Variants in DDX46 observed in about 807,000 individuals in gnomAD.
The protein encoded by DDX46 is DEAD-box helicase 46, also known as probable ATP-dependent RNA helicase DDX46.
In DDX46, 30 loss-of-function variants were observed where a neutral mutation model predicts 134.9. The ratio of observed to expected loss-of-function variants is 0.22; its 90% CI spans 0.17 to 0.30. The LOEUF (loss-of-function observed/expected upper bound fraction) is 0.30. Among genes scored for constraint, DDX46 ranks in the 10% least tolerant of loss-of-function variants. DDX46 has a pLI of 1.00. For missense variants in DDX46, 622 were observed against 1,248.7 expected, an observed-to-expected ratio of 0.50 and a Z score of 7.56; for synonymous variants, 415 against 404.1, an observed-to-expected ratio of 1.03 and a Z score of -0.32.
intron 6 of DDX46, 48 bp from the exon 7 acceptor site, chr5:134,781,085 C>T: frequency 7.4e-7 from 1 of 1,355,916 alleles, no homozygotes. Context: ...AGTCATATAA[C>T]TTGTGTTTCA....
chr5:134,764,174 T>G (rs962679444), intron 2 of DDX46, 82 bp downstream of exon 2: 10 of 1,410,254 alleles, frequency 7.1e-6, no homozygotes, highest in Non-Finnish European at 9.5e-6. Context: ...AAGTATGTTT[T>G]CAACTGGAGT....
chr5:134,818,511 G>A (rs1007088723), intron 20 of DDX46, among the ~76,000 whole-genome samples: 1 of 148,760 alleles, frequency 6.7e-6, no homozygotes, highest in Non-Finnish European at 1.5e-5. Context: ...AGACCAGCCT[G>A]ACCAACATGG....
chr5:134,816,383 A>G, intron 18 of DDX46, 47 bp from the exon 19 acceptor site: 1 of 1,500,334 alleles, frequency 6.7e-7, no homozygotes, highest in South Asian at 1.3e-5. Flanking sequence ...TTAATTTGGT[A>G]TTTCTAATTC....
chr5:134,799,964 T>C (rs1754777943), intron 15 of DDX46, among the ~76,000 whole-genome samples: 2 of 152,278 alleles, frequency 1.3e-5, no homozygotes, highest in East Asian at 1.9e-4. Context: ...TTTTACTTTT[T>C]TTAGATGGAA....
rs10655595 is a variant in DDX46 at position 134,780,564 on chromosome 5, CAATAAATA to C, written c.766-538_766-531del. Among the ~76,000 whole-genome samples the C allele has an allele frequency of 2.4e-3, 336 of 142,328 alleles. 1 individual carries two copies. The highest frequency in any genetic ancestry group is 7.1e-3 in the African/African-American group (275 of 38,812). 93.4% of individuals were successfully genotyped at this position (142,328 alleles called of 152,430 possible). A position where few individuals can be genotyped will look rare whatever the true frequency, so the allele number is the denominator to read the frequency against. Reference sequence around the variant, plus strand: ...GGGTGACAAGAGCAAAACTTTATCTCAATAAATAAATAAATAAATAAATAAATAAATAA... The same window carrying C: ...GGGTGACAAGAGCAAAACTTTATCTCAATAAATAAATAAATAAATAAATAA... On this transcript the variant is annotated intron_variant, in intron 6 of 22. Coordinates refer to ENST00000452510, the MANE Select transcript of DDX46 (RefSeq NM_001300860.2).
chr5:134,800,222 A>G (rs1561866919), intron 15 of DDX46, among the ~76,000 whole-genome samples: 1 of 152,202 alleles, frequency 6.6e-6, no homozygotes, highest in Non-Finnish European at 1.5e-5. Context: ...TGCTGGGGTT[A>G]CAGGCGTGAG....
At chr5:134,824,579 C>CA (rs910382182) in intron 21 of DDX46, among the ~76,000 whole-genome samples, 1 of 149,776 alleles carries the variant, frequency 6.7e-6, no homozygotes, top group Non-Finnish European at 1.5e-5. Flanking sequence ...AACTCTGTCT[C>CA]AAAAAAAAGA....
At chr5:134,771,789 G>C (rs1157976958) in intron 4 of DDX46, among the ~76,000 whole-genome samples, 3 of 152,024 alleles carry the variant, frequency 2.0e-5, no homozygotes, top group Non-Finnish European at 4.4e-5. Context: ...AGATGTGAAA[G>C]ATAAAAAAGG....
rs943269585 is a variant in DDX46 at position 134,795,209 on chromosome 5, T to A, written c.1791+195T>A. On this transcript the variant is annotated intron_variant, in intron 14 of 22. Transcript: ENST00000452510. ...CGGAGCTATTTAAAATGCTTGTTTT[T>A]TTTTTTTTTTGTTTTTTTTTTGCTG... 3.5e-5 allele frequency among the ~76,000 whole-genome samples: 5 copies of A among 143,940 alleles called. 1 individual carries two copies. Among genetic ancestry groups the A allele is most frequent in the African/African-American group, 1.3e-4 (5 of 38,292 alleles). 94.4% of individuals were successfully genotyped at this position (143,940 alleles called of 152,430 possible). A position where few individuals can be genotyped will look rare whatever the true frequency, so the allele number is the denominator to read the frequency against.
chr5:134,804,173 C>T (rs559229451), intron 15 of DDX46, among the ~76,000 whole-genome samples: 131 of 151,924 alleles, frequency 8.6e-4, no homozygotes, highest in African/African-American at 3.0e-3. Flanking sequence ...CCTCCCAAAG[C>T]GCTGGAATTA....
chr5:134,767,119 C>G (rs568154667), intron 3 of DDX46, 59 bp downstream of exon 3: 3 of 1,489,616 alleles, frequency 2.0e-6, no homozygotes, highest in South Asian at 1.4e-5. Context: ...CCCTTCTCTG[C>G]GCCTTTTTTT....
intron 22 of DDX46, 74 bp from the exon 23 acceptor site, chr5:134,828,585 G>T (rs1755650636): frequency 4.2e-6 from 4 of 958,104 alleles, no homozygotes; most frequent in Non-Finnish European, 5.6e-6. Context: ...TTGGTTGGTT[G>T]GTTGGTTCGT....
chr5:134,762,722 C>G (rs955220320), intron 1 of DDX46, among the ~76,000 whole-genome samples: 1 of 149,108 alleles, frequency 6.7e-6, no homozygotes, highest in Admixed American at 6.7e-5. Flanking sequence ...AACAAGAGTG[C>G]GACTCTGTCT....
intron 6 of DDX46, among the ~76,000 whole-genome samples, chr5:134,779,816 A>C (rs1164020764): frequency 6.6e-6 from 1 of 152,134 alleles, no homozygotes; most frequent in East Asian, 1.9e-4. Context: ...ATACATAATC[A>C]TGCCGGACGT....
At position 134,803,527 on chromosome 5, in the gene DDX46, G is replaced by A. The variant is rs184038785; in HGVS notation, c.1955-4221G>A. On this transcript the variant is annotated intron_variant, in intron 15 of 22. Transcript: ENST00000452510. ...TTTCTGTTCAAGTTTTGACTTCCTC[G>A]CTTGGTCTGTGCACGGCCTGCCCCT... is the stretch of plus-strand genomic sequence containing the variant. 7.0e-4 allele frequency among the ~76,000 whole-genome samples: 107 copies of A among 152,124 alleles called. No individual in the cohort carries two copies. The East Asian group carries it at 0.017, about 24-fold the overall frequency.
At position 134,820,859 on chromosome 5, in the gene DDX46, CT is replaced by C. The variant is rs1394453517; in HGVS notation, c.2977+1859del. ...TTGTGTTAGAGTAATCTTTTCTTTT[CT>C]TTTCTTTTTTTTTTTTTTTTTTTGA... On this transcript the variant is annotated intron_variant, in intron 21 of 22. Coordinates refer to ENST00000452510, the MANE Select transcript of DDX46 (RefSeq NM_001300860.2). Among the ~76,000 whole-genome samples the C allele has an allele frequency of 2.1e-4, 29 of 137,020 alleles. No individual in the cohort carries two copies. The Middle Eastern group carries it at 0.02, about 92-fold the overall frequency. 89.9% of individuals were successfully genotyped at this position (137,020 alleles called of 152,430 possible). A position where few individuals can be genotyped will look rare whatever the true frequency, so the allele number is the denominator to read the frequency against.
chr5:134,799,490 C>T (rs1285170377), intron 15 of DDX46, among the ~76,000 whole-genome samples: 2 of 151,430 alleles, frequency 1.3e-5, no homozygotes, highest in African/African-American at 4.8e-5. Flanking sequence ...GTAATCCCAG[C>T]ACTTTGGGAG....
At chr5:134,779,813 A>G (rs962223507) in intron 6 of DDX46, among the ~76,000 whole-genome samples, 1 of 152,170 alleles carries the variant, frequency 6.6e-6, no homozygotes, top group Non-Finnish European at 1.5e-5. Context: ...AAAATACATA[A>G]TCATGCCGGA....
Position 134,777,601 on chromosome 5 carries a change from A to T in DDX46, c.641A>T (p.Glu214Val). ...DDDEDDPAEA[E>V]KEGNEMEGEE... is the part of the protein sequence containing the mutation. ...GACGAAGATGATCCTGCAGAAGCTG[A>T]AAAGGAGGGAAATGAAATGGAGGGT... Residue 214 changes from glutamate (E) to valine (V), a missense_variant, in exon 6 of 23, where the codon GAA becomes GTA. Coordinates refer to ENST00000452510, the MANE Select transcript of DDX46 (RefSeq NM_001300860.2). 6.2e-7 allele frequency: 1 copy of T among 1,613,498 alleles called. No homozygotes were observed. The highest frequency in any genetic ancestry group is 2.2e-5 in the East Asian group (1 of 44,852).
Sources: allele counts gnomAD v4.1 joint callset (sites outside exome capture counted in the v4.1 genomes callset), GRCh38; gene constraint gnomAD v4.1.1; transcripts MANE v1.5; gene names NCBI Gene and HGNC (gene_info 2026-07-23, HGNC 2026-07-21).